Variants in BLOC1S6 observed in about 807,000 individuals in gnomAD.
The protein encoded by BLOC1S6 is biogenesis of lysosome-related organelles complex 1 subunit 6.
BLOC1S6 carries 24 observed loss-of-function variants against 24.7 expected under a neutral mutation model. That is an observed-to-expected ratio of 0.97 (90% CI 0.70 to 1.37). The LOEUF (loss-of-function observed/expected upper bound fraction) is 1.37, where lower values mean the gene tolerates loss of function less well. Among genes scored for constraint, BLOC1S6 ranks in the 40% most tolerant of loss-of-function variants. The pLI is 0.00. For synonymous variants in BLOC1S6, 76 were observed against 72.6 expected (o/e 1.05, Z -0.23); for missense variants, 175 against 196.2 (o/e 0.89, Z 0.64).
chr15:45,605,309 C>A, intron 3 of BLOC1S6, 119 bp from the exon 4 acceptor site: 1 of 708,768 alleles, frequency 1.4e-6, no homozygotes, highest in South Asian at 1.7e-5. Context: ...GAAGATAAGG[C>A]TGTAAAAATT....
At chr15:45,588,354 C>G (rs1210537636) in intron 1 of BLOC1S6, among the ~76,000 whole-genome samples, 2 of 152,230 alleles carry the variant, frequency 1.3e-5, no homozygotes, top group East Asian at 3.8e-4. Context: ...ACTTCTCCAT[C>G]TGCTAGCTGG....
intron 2 of BLOC1S6, among the ~76,000 whole-genome samples, chr15:45,592,596 C>T (rs971726351): frequency 6.6e-6 from 1 of 152,088 alleles, no homozygotes; most frequent in South Asian, 2.1e-4. Flanking sequence ...GGAGATACAC[C>T]TGTTTCTGAG....
rs1247025996 is a variant in BLOC1S6, at chr15:45,595,068, C to T, written c.224+2792C>T. Among the ~76,000 whole-genome samples the T allele has an allele frequency of 3.3e-5, 5 of 151,882 alleles. No individual in the cohort carries two copies. The East Asian group carries it at 9.7e-4, about 29-fold the overall frequency. ...TTTCCTCTCCCAGTGAGAGGAAACC[C>T]CCGCTGCCAGCACATCAGTGTGTTC... On this transcript the variant is annotated intron_variant, in intron 2 of 4. Coordinates refer to ENST00000220531, the MANE Select transcript of BLOC1S6 (RefSeq NM_012388.4).
At chr15:45,606,287 A>G (rs1894456662) in intron 4 of BLOC1S6, 108 bp from the exon 5 acceptor site, 1 of 1,433,178 alleles carries the variant, frequency 7.0e-7, no homozygotes, top group Non-Finnish European at 9.6e-7. Flanking sequence ...GATGAAGTTT[A>G]TTAGTGTGAA....
At chr15:45,604,268 A>T (rs1400531259) in intron 3 of BLOC1S6, among the ~76,000 whole-genome samples, 1 of 151,752 alleles carries the variant, frequency 6.6e-6, no homozygotes, top group South Asian at 2.1e-4. Flanking sequence ...AAAAAAATGG[A>T]CTTTTCTTTG....
At position 45,603,209 on chromosome 15, in the gene BLOC1S6, T is replaced by A. The variant is rs778441047; in HGVS notation, c.312+22T>A. Reference sequence around the variant, plus strand: ...TTTGGTAAGTATGATTTAGTTGATGTAATTTAATGACATCTTGTCTTAGCA... The same window carrying A: ...TTTGGTAAGTATGATTTAGTTGATGAAATTTAATGACATCTTGTCTTAGCA... On this transcript the variant is annotated intron_variant, in intron 3 of 4. Transcript: ENST00000220531. 4.8e-6 allele frequency: 7 copies of A among 1,464,936 alleles called. No individual in the cohort carries two copies. The South Asian group carries it at 8.0e-5, about 17-fold the overall frequency. The allele number at this position is 1,464,936 out of a possible 1,614,324, so 90.7% of individuals were successfully genotyped here.
intron 2 of BLOC1S6, among the ~76,000 whole-genome samples, chr15:45,592,519 A>C (rs1269110823): frequency 6.6e-6 from 1 of 152,182 alleles, no homozygotes; most frequent in East Asian, 1.9e-4. Flanking sequence ...CTTACCTAGA[A>C]TCTGTGATTA....
At chr15:45,596,429 C>T (rs1894080639) in intron 2 of BLOC1S6, among the ~76,000 whole-genome samples, 1 of 151,888 alleles carries the variant, frequency 6.6e-6, no homozygotes, top group Admixed American at 6.6e-5. Context: ...AATTCCTAGG[C>T]TCAAGTGATC....
rs538421035 is a variant in BLOC1S6 at position 45,608,083 on chromosome 15, G to T, written c.*1569G>T. 1 of 152,584 alleles carries T rather than the reference G, an allele frequency of 6.6e-6. No individual in the cohort carries two copies. Among genetic ancestry groups the T allele is most frequent in the Non-Finnish European group, 1.5e-5 (1 of 68,034 alleles). The allele number at this position is 152,584 out of a possible 1,614,324, so 9.5% of individuals were successfully genotyped here. On this transcript the variant is annotated 3_prime_UTR_variant, in exon 5 of 5. Coordinates refer to ENST00000220531, the MANE Select transcript of BLOC1S6 (RefSeq NM_012388.4). ...CAGAGCCTGTGAAGATGTATGAATG[G>T]TATCTTTTATAATCCACAATACATT...
Position 45,594,015 on chromosome 15 carries a change from AAG to A in BLOC1S6, c.224+1744_224+1745del, listed in dbSNP as rs1243229582. Among the ~76,000 whole-genome samples the A allele has an allele frequency of 1.1e-4, 17 of 152,310 alleles. No individual in the cohort carries two copies. In the East Asian group the frequency reaches 1.7e-3, roughly 16 times the overall value. On this transcript the variant is annotated intron_variant, in intron 2 of 4. Transcript: ENST00000220531. ...GTAAACAAATTTCAGAGAAAGGAAA[AAG>A]AGAGTATTTCCTCCTCTTTTCCCCA...
In BLOC1S6 at chr15:45,588,466, A is replaced by T. The variant is rs537604537; in HGVS notation, c.82+941A>T. 1.0e-3 allele frequency among the ~76,000 whole-genome samples: 154 copies of T among 152,276 alleles called. 1 individual carries two copies. Among genetic ancestry groups the T allele is most frequent in the African/African-American group, 3.6e-3 (149 of 41,544 alleles). ...TGGTGGTAGGTCACTCTGACTTGAA[A>T]CTTTGAAATTGCTCTGGACTTTTTC... On this transcript the variant is annotated intron_variant, in intron 1 of 4. Coordinates refer to ENST00000220531, the MANE Select transcript of BLOC1S6 (RefSeq NM_012388.4).
intron 4 of BLOC1S6, among the ~76,000 whole-genome samples, chr15:45,605,985 T>A (rs536990892): frequency 1.3e-5 from 2 of 152,350 alleles, no homozygotes; most frequent in Non-Finnish European, 2.9e-5. Context: ...GTTTAAGAAA[T>A]ATTAGAGACA....
At chr15:45,591,980 T>G in intron 1 of BLOC1S6, 155 bp from the exon 2 acceptor site, 1 of 829,226 alleles carries the variant, frequency 1.2e-6, no homozygotes, top group South Asian at 1.7e-5. Flanking sequence ...ATTTGAAAGG[T>G]TCCGGCTGGT....
intron 1 of BLOC1S6, among the ~76,000 whole-genome samples, chr15:45,589,201 G>C (rs1292942429): frequency 6.6e-6 from 1 of 152,130 alleles, no homozygotes; most frequent in East Asian, 1.9e-4. Context: ...CTATATGTTG[G>C]TATGGAAAGA....
chr15:45,600,237 C>T (rs1183341938), intron 2 of BLOC1S6, among the ~76,000 whole-genome samples: 4 of 147,984 alleles, frequency 2.7e-5, no homozygotes, highest in Non-Finnish European at 6.0e-5. Flanking sequence ...TGCTAGATGA[C>T]GAGTTAGTGG....
At position 45,609,609 on chromosome 15, in the gene BLOC1S6, TTATAAA is replaced by T. The variant is rs1894607964; in HGVS notation, c.*3101_*3106del. The T allele has an allele frequency of 6.6e-6, 1 of 152,162 alleles. No individual in the cohort carries two copies. The highest frequency in any genetic ancestry group is 2.4e-5 in the African/African-American group (1 of 41,438). The allele number at this position is 152,162 out of a possible 1,614,324, so 9.4% of individuals were successfully genotyped here. On this transcript the variant is annotated 3_prime_UTR_variant, in exon 5 of 5. Transcript: ENST00000220531. ...TCATTGAGTTTTTGGGTGATACAGT[TTATAAA>T]TATAACAATTATACACCCTCATACA... is the stretch of plus-strand genomic sequence containing the variant.
chr15:45,587,302 C>A, upstream of BLOC1S6: 3 of 801,652 alleles, frequency 3.7e-6, no homozygotes, highest in Admixed American at 2.0e-5. Context: ...AGCGCGTGAT[C>A]GAAGCCCGCA....
At chr15:45,593,588 A>C (rs1261577512) in intron 2 of BLOC1S6, among the ~76,000 whole-genome samples, 1 of 152,186 alleles carries the variant, frequency 6.6e-6, no homozygotes, top group Non-Finnish European at 1.5e-5. Context: ...GAAGGTAAGA[A>C]ACTGCAAGCG....
Position 45,606,454 on chromosome 15 carries a change from A to G in BLOC1S6, c.459A>G (p.Gln153=), listed in dbSNP as rs1223057332. The G allele has an allele frequency of 1.2e-6, 2 of 1,614,182 alleles. No individual in the cohort carries two copies. The highest frequency in any genetic ancestry group is 1.1e-5 in the South Asian group (1 of 91,080). The stretch of plus-strand genomic sequence containing the variant: ...AAGAAGAGTTGGAAAGGGAGCAGCA[A>G]CGAGAGAAGGAGTTTGAAAGAGAAA... ...RQKEELEREQ[Q]REKEFEREKQ... Residue 153 remains glutamine (Q), a synonymous_variant, in exon 5 of 5, where the codon CAA becomes CAG. Transcript: ENST00000220531.
Sources: gnomAD v4.1 joint callset for allele counts (sites outside exome capture counted in the v4.1 genomes callset) on GRCh38, gnomAD v4.1.1 for gene constraint, MANE v1.5 for transcripts, NCBI Gene and HGNC (gene_info 2026-07-23, HGNC 2026-07-21) for gene names.